The following TLL1 variants were observed in gnomAD, a reference collection of about 807,000 sequenced individuals.
TLL1 encodes tolloid-like protein 1.
In TLL1, 49 loss-of-function variants were observed where a neutral mutation model predicts 128.2. That is an observed-to-expected ratio of 0.38 (90% confidence interval 0.30 to 0.48). The LOEUF is 0.48. Among genes scored for constraint, TLL1 ranks in the 20% least tolerant of loss-of-function variants. The pLI, the probability that TLL1 is intolerant of heterozygous loss-of-function variation, is 0.96. For synonymous variants in TLL1, 454 were observed against 418.8 expected, an observed-to-expected ratio of 1.08 and a Z score of -1.03; for missense variants, 1,123 against 1,242.0, an observed-to-expected ratio of 0.90 and a Z score of 1.44.
At chr4:166,022,395 C>T (rs1274617186) in intron 8 of TLL1, among the ~76,000 whole-genome samples, 3 of 152,138 alleles carry the variant, frequency 2.0e-5, no homozygotes, top group East Asian at 3.9e-4. Context: ...GAACTCCTGA[C>T]CTCAGGTGTT....
chr4:166,040,777 C>T (rs1469544140), intron 10 of TLL1, among the ~76,000 whole-genome samples: 1 of 152,210 alleles, frequency 6.6e-6, no homozygotes, highest in East Asian at 1.9e-4. Context: ...TTATCTGCCT[C>T]TAATTTGCTT....
At chr4:166,064,019 T>A (rs1740461691) in intron 15 of TLL1, among the ~76,000 whole-genome samples, 1 of 151,804 alleles carries the variant, frequency 6.6e-6, no homozygotes, top group Non-Finnish European at 1.5e-5. Context: ...AGAAATGTGA[T>A]GAACTTACAT....
chr4:166,055,122 A>T lies in TLL1; in HGVS notation c.1571A>T (p.Asp524Val). The T allele has an allele frequency of 6.2e-7, 1 of 1,613,110 alleles. No individual in the cohort carries two copies. Among genetic ancestry groups the T allele is most frequent in the African/African-American group, 1.3e-5 (1 of 74,992 alleles). Residue 524 changes from aspartate (D) to valine (V), a missense_variant, in exon 13 of 21, where the codon GAT (aspartate) becomes GTT (valine). Transcript: ENST00000061240. ...GCTTATGACTACCTGGAAGTTAGAGATGGAACCAGTGAAAATAGCCCTTTG... is the reference window on the plus strand; with the variant it reads ...GCTTATGACTACCTGGAAGTTAGAGTTGGAACCAGTGAAAATAGCCCTTTG... ...NCAYDYLEVRDGTSENSPLIG... is the reference protein window; with the variant it reads ...NCAYDYLEVRVGTSENSPLIG...
At chr4:166,022,189 G>A (rs1738273645) in intron 8 of TLL1, among the ~76,000 whole-genome samples, 1 of 149,836 alleles carries the variant, frequency 6.7e-6, no homozygotes, top group African/African-American at 2.5e-5. Context: ...TTTCGAGATG[G>A]AGTACTGCTC....
intron 12 of TLL1, among the ~76,000 whole-genome samples, chr4:166,044,189 G>T (rs565604977): frequency 1.3e-5 from 2 of 152,222 alleles, no homozygotes; most frequent in East Asian, 3.9e-4. Flanking sequence ...TCCCAACCAG[G>T]GTTAGAAATT....
At chr4:166,065,609 T>TA in intron 15 of TLL1, 74 bp from the exon 16 acceptor site, 1 of 1,511,894 alleles carries the variant, frequency 6.6e-7, no homozygotes, top group Non-Finnish European at 9.2e-7. Flanking sequence ...AAAAATAAGA[T>TA]ATGTTTTTTT....
chr4:166,100,566 C>T (rs539763725), intron 20 of TLL1, among the ~76,000 whole-genome samples, 176 bp from the exon 21 acceptor site: 36 of 152,214 alleles, frequency 2.4e-4, no homozygotes, highest in African/African-American at 7.5e-4. Context: ...TTTTCTTCTC[C>T]GAATCCCATT....
intron 5 of TLL1, among the ~76,000 whole-genome samples, chr4:166,002,292 A>G (rs1411059542): frequency 1.3e-5 from 2 of 152,068 alleles, no homozygotes. Context: ...ATCACCTTCC[A>G]AGGGCTCTGC....
At chr4:166,068,224 G>A (rs1444889886) in intron 16 of TLL1, among the ~76,000 whole-genome samples, 2 of 151,662 alleles carry the variant, frequency 1.3e-5, no homozygotes, top group African/African-American at 2.4e-5. Flanking sequence ...GAAAAGGGAA[G>A]GTTAAAAACA....
chr4:166,087,465 T>C (rs1741576808), intron 18 of TLL1, among the ~76,000 whole-genome samples: 1 of 152,138 alleles, frequency 6.6e-6, no homozygotes, highest in South Asian at 2.1e-4. Context: ...CCTTCAAATA[T>C]TTTGTGGGAA....
chr4:166,093,867 A>C (rs1322216000), intron 19 of TLL1, among the ~76,000 whole-genome samples: 1 of 152,162 alleles, frequency 6.6e-6, no homozygotes, highest in Non-Finnish European at 1.5e-5. Flanking sequence ...CACGTCCTGC[A>C]CAGCCCTAGA....
intron 7 of TLL1, 64 bp downstream of exon 7, chr4:166,008,112 G>A (rs1737521809): frequency 1.7e-6 from 2 of 1,204,900 alleles, no homozygotes. Context: ...TCCTCACAAA[G>A]CTATGCCTGA....
chr4:166,059,007 G>C (rs78401349), intron 14 of TLL1, among the ~76,000 whole-genome samples: 8,062 of 151,888 alleles, frequency 0.053, 389 homozygotes, highest in African/African-American at 0.13. Context: ...CCCTTTACTA[G>C]AATAAAAAAG....
At chr4:165,986,372 G>T (rs1736393609) in intron 1 of TLL1, among the ~76,000 whole-genome samples, 1 of 152,040 alleles carries the variant, frequency 6.6e-6, no homozygotes, top group Admixed American at 6.6e-5. Context: ...AATGTGTGCA[G>T]TATGAAGAAA....
At position 166,095,276 on chromosome 4, in the gene TLL1, G is replaced by A. The variant is rs1741969200; in HGVS notation, c.2656+3935G>A. Among the ~76,000 whole-genome samples the A allele has an allele frequency of 1.3e-5, 2 of 152,018 alleles. 1 individual carries two copies. Among genetic ancestry groups the A allele is most frequent in the South Asian group, 4.1e-4 (2 of 4,826 alleles). On this transcript the variant is annotated intron_variant, in intron 19 of 20. Transcript: ENST00000061240. The stretch of plus-strand genomic sequence containing the variant: ...TTTACAAGTCAAAAAAAAGTCCACG[G>A]AAAATGGACTTAATTGGAAAGAGTT...
intron 19 of TLL1, among the ~76,000 whole-genome samples, chr4:166,094,367 A>G (rs968740420): frequency 1.3e-5 from 2 of 152,212 alleles, no homozygotes; most frequent in Non-Finnish European, 2.9e-5. Flanking sequence ...GAAAATGAAT[A>G]TAAAACTGTC....
intron 9 of TLL1, among the ~76,000 whole-genome samples, chr4:166,031,473 T>C (rs1738767004): frequency 1.3e-5 from 2 of 149,050 alleles, no homozygotes; most frequent in African/African-American, 5.0e-5. Flanking sequence ...GTTCAAGCAA[T>C]TCTTGTGCCT....
intron 19 of TLL1, among the ~76,000 whole-genome samples, chr4:166,093,231 T>C (rs931394503): frequency 6.6e-6 from 1 of 152,134 alleles, no homozygotes; most frequent in Non-Finnish European, 1.5e-5. Flanking sequence ...CTCTGAGTTC[T>C]CTCAGTTTTT....
At chr4:165,980,412 ATTC>A (rs1358266552) in intron 1 of TLL1, among the ~76,000 whole-genome samples, 1 of 152,144 alleles carries the variant, frequency 6.6e-6, no homozygotes, top group Non-Finnish European at 1.5e-5. Context: ...TCTATAGCAT[ATTC>A]TTCTTGAATT....
Sources: gnomAD v4.1 joint callset for allele counts (sites outside exome capture counted in the v4.1 genomes callset) on GRCh38, gnomAD v4.1.1 for gene constraint, MANE v1.5 for transcripts, NCBI Gene and HGNC (gene_info 2026-07-23, HGNC 2026-07-21) for gene names.